Variants in ZNF385B observed in about 807,000 individuals in gnomAD.
The protein encoded by ZNF385B is zinc finger protein 385B.
A neutral mutation model predicts 39.2 loss-of-function variants in ZNF385B; 23 were observed. The ratio of observed to expected loss-of-function variants is 0.59; its 90% CI spans 0.42 to 0.83. The LOEUF is 0.83. Ranked by LOEUF, ZNF385B falls within the 40% of genes least tolerant of loss-of-function variation. ZNF385B has a pLI of 0.00. For synonymous variants in ZNF385B, 205 were observed against 222.6 expected (o/e 0.92, Z 0.70); for missense variants, 552 against 598.9 (o/e 0.92, Z 0.82).
intron 3 of ZNF385B, among the ~76,000 whole-genome samples, chr2:179,748,779 A>T (rs1028076206): frequency 2.0e-5 from 3 of 152,156 alleles, no homozygotes; most frequent in African/African-American, 7.2e-5. Flanking sequence ...CTTTCAGTAC[A>T]TTAAAGAACT....
intron 5 of ZNF385B, 28 bp from the exon 6 acceptor site, chr2:179,483,462 T>C (rs2054227428): frequency 6.2e-7 from 1 of 1,612,750 alleles, no homozygotes; most frequent in Non-Finnish European, 8.5e-7. Context: ...TCAGGCTCAT[T>C]TTTTTGCTAA....
chr2:179,500,914 A>G (rs1354636881), intron 5 of ZNF385B, among the ~76,000 whole-genome samples: 1 of 152,206 alleles, frequency 6.6e-6, no homozygotes, highest in Non-Finnish European at 1.5e-5. Context: ...AAATAACCCA[A>G]TCAAAAAATG....
intron 3 of ZNF385B, among the ~76,000 whole-genome samples, chr2:179,766,140 C>T (rs2106497006): frequency 6.6e-6 from 1 of 151,718 alleles, no homozygotes; most frequent in African/African-American, 2.4e-5. Flanking sequence ...TCTGTAAATA[C>T]CCTGAATACT....
intron 3 of ZNF385B, among the ~76,000 whole-genome samples, chr2:179,622,020 T>C (rs566419543): frequency 6.6e-6 from 1 of 152,284 alleles, no homozygotes; most frequent in South Asian, 2.1e-4. Flanking sequence ...TCTTCCACTG[T>C]ATACTAAGCT....
intron 3 of ZNF385B, among the ~76,000 whole-genome samples, chr2:179,764,385 T>G (rs1575447701): frequency 7.3e-6 from 1 of 136,398 alleles, no homozygotes; most frequent in Admixed American, 7.2e-5. Flanking sequence ...ATAGTTGGGT[T>G]TTTTTTTAAT....
At chr2:179,606,565 G>A (rs1688818862) in intron 3 of ZNF385B, among the ~76,000 whole-genome samples, 2 of 151,968 alleles carry the variant, frequency 1.3e-5, no homozygotes, top group African/African-American at 4.8e-5. Context: ...CTAAAGTTTG[G>A]GGAGATTTAC....
At chr2:179,473,775 G>A (rs188271301) in intron 6 of ZNF385B, among the ~76,000 whole-genome samples, 1 of 152,262 alleles carries the variant, frequency 6.6e-6, no homozygotes, top group East Asian at 1.9e-4. Flanking sequence ...AGAAGATGCG[G>A]TGTTTGGTTT....
At chr2:179,542,230 T>C (rs1348523368) in intron 4 of ZNF385B, among the ~76,000 whole-genome samples, 2 of 152,052 alleles carry the variant, frequency 1.3e-5, no homozygotes, top group African/African-American at 4.8e-5. Context: ...CAGGGAAAAA[T>C]CATAGGTCAC....
intron 3 of ZNF385B, among the ~76,000 whole-genome samples, chr2:179,715,393 G>A (rs1235256251): frequency 6.6e-6 from 1 of 152,148 alleles, no homozygotes; most frequent in South Asian, 2.1e-4. Context: ...GTCATATACA[G>A]AGTAAACAAC....
At chr2:179,524,465 T>A (rs2058732841) in intron 4 of ZNF385B, among the ~76,000 whole-genome samples, 2 of 138,090 alleles carry the variant, frequency 1.4e-5, no homozygotes, top group South Asian at 4.6e-4. Flanking sequence ...GGCAGGAGAA[T>A]GACGTGAACC....
chr2:179,612,354 C>T (rs998931117), intron 3 of ZNF385B, among the ~76,000 whole-genome samples: 1 of 152,172 alleles, frequency 6.6e-6, no homozygotes, highest in African/African-American at 2.4e-5. Context: ...TGTTTGTATG[C>T]ATCCTTCTTG....
intron 1 of ZNF385B, among the ~76,000 whole-genome samples, chr2:179,803,692 C>T (rs1706175137): frequency 6.6e-6 from 1 of 152,032 alleles, no homozygotes; most frequent in Non-Finnish European, 1.5e-5. Context: ...GTAGCATTTA[C>T]TGAGTGCAAA....
At chr2:179,855,735 T>G (rs1684540580) in intron 1 of ZNF385B, among the ~76,000 whole-genome samples, 2 of 152,120 alleles carry the variant, frequency 1.3e-5, no homozygotes, top group Non-Finnish European at 2.9e-5. Context: ...CCTTAACCAA[T>G]GCAGTGAGTG....
At position 179,698,359 on chromosome 2, in the gene ZNF385B, A is replaced by C. The variant is rs187591492; in HGVS notation, c.298+71144T>G. ...AATTATTTCTATCACAAAGGTTTTA[A>C]ATTGGGTTTTAAAATAACCATAATT... On this transcript the variant is annotated intron_variant, in intron 3 of 9. Coordinates refer to ENST00000410066, the MANE Select transcript of ZNF385B (RefSeq NM_152520.6). 1.6e-3 allele frequency among the ~76,000 whole-genome samples: 251 copies of C among 152,340 alleles called. 1 individual carries two copies. Among genetic ancestry groups the C allele is most frequent in the Non-Finnish European group, 2.7e-3 (181 of 68,030 alleles).
At chr2:179,746,712 T>A (rs1279424090) in intron 3 of ZNF385B, among the ~76,000 whole-genome samples, 1 of 152,150 alleles carries the variant, frequency 6.6e-6, no homozygotes, top group African/African-American at 2.4e-5. Context: ...ATTTATACTT[T>A]TGCTTTTTAT....
rs993565971 is a variant in ZNF385B at position 179,631,872 on chromosome 2, A to AAC, written c.299-86904_299-86903insGT. ...AAAAAAAACACAAAAACAAACAAAA[A>AAC]AAACAAACAGTGGTTGCAATCCTAG... On this transcript the variant is annotated intron_variant, in intron 3 of 9. Coordinates refer to ENST00000410066, the MANE Select transcript of ZNF385B (RefSeq NM_152520.6). Among the ~76,000 whole-genome samples the AAC allele has an allele frequency of 3.3e-5, 5 of 152,178 alleles. No individual in the cohort carries two copies. The East Asian group carries it at 7.7e-4, about 24-fold the overall frequency.
At chr2:179,551,168 G>C (rs2060540611) in intron 3 of ZNF385B, among the ~76,000 whole-genome samples, 2 of 151,656 alleles carry the variant, frequency 1.3e-5, no homozygotes, top group South Asian at 4.2e-4. Context: ...ATCAAAATAG[G>C]GTGCCGCCCT....
chr2:179,522,933 A>G, intron 4 of ZNF385B: 1 of 430,248 alleles, frequency 2.3e-6, no homozygotes, highest in Non-Finnish European at 4.8e-6. Context: ...AAAAAAGTAA[A>G]AGTTAGAAGC....
chr2:179,576,438 C>T (rs1016780788), intron 3 of ZNF385B, among the ~76,000 whole-genome samples: 1 of 152,170 alleles, frequency 6.6e-6, no homozygotes, highest in Non-Finnish European at 1.5e-5. Flanking sequence ...TGGAGCTTCA[C>T]CTTCATCATG....
Sources: allele counts gnomAD v4.1 joint callset (sites outside exome capture counted in the v4.1 genomes callset), GRCh38; gene constraint gnomAD v4.1.1; transcripts MANE v1.5; gene names NCBI Gene and HGNC (gene_info 2026-07-23, HGNC 2026-07-21).